Variants in N4BP2 observed in about 807,000 individuals in gnomAD.
N4BP2 encodes NEDD4-binding protein 2.
Under a neutral mutation model 152.8 loss-of-function variants are expected in N4BP2, and 91 were observed. The ratio of observed to expected loss-of-function variants is 0.60; its 90% CI spans 0.50 to 0.71. N4BP2 has a LOEUF of 0.71. N4BP2 is among the 30% of genes least tolerant of loss of function. The probability of loss-of-function intolerance (pLI) is 0.00; values close to 1 mark genes in which losing one functional copy is unlikely to be tolerated. For synonymous variants in N4BP2, 646 were observed against 705.3 expected (o/e 0.92, Z 1.33); for missense variants, 1,923 against 2,059.1 (o/e 0.93, Z 1.28).
intron 1 of N4BP2, among the ~76,000 whole-genome samples, chr4:40,060,599 T>C (rs952758921): frequency 8.3e-6 from 1 of 120,176 alleles, no homozygotes; most frequent in Non-Finnish European, 1.7e-5. Flanking sequence ...GCTAAGTAGC[T>C]AGATTTTTTT....
rs1405904501 is a variant in N4BP2 at position 40,137,032 on chromosome 4, C to G, written c.4735C>G (p.Gln1579Glu). 1.9e-6 allele frequency: 3 copies of G among 1,613,442 alleles called. No individual in the cohort carries two copies. The change falls in exon 14 of 18, where the codon CAA becomes GAA. Residue 1579 changes from glutamine (Q) to glutamate (E), a missense_variant. Transcript: ENST00000261435. The stretch of plus-strand genomic sequence containing the variant: ...AGTTGTAGCCCAAGAGTTTGTTCAC[C>G]AAAATGAGAATGTCACATCTCATAC... Reference protein sequence around the residue: ...KTVVAQEFVHQNENVTSHTGQ... With the variant: ...KTVVAQEFVHENENVTSHTGQ...
Position 40,112,098 on chromosome 4 carries a change from G to A in N4BP2, c.1513G>A (p.Glu505Lys). 1 of 1,522,200 alleles carries A rather than the reference G, an allele frequency of 6.6e-7. No individual in the cohort carries two copies. Among genetic ancestry groups the A allele is most frequent in the Non-Finnish European group, 9.0e-7 (1 of 1,115,102 alleles). 94.3% of individuals were successfully genotyped at this position (1,522,200 alleles called of 1,614,324 possible). ...ATGTTTTTCAGCAAAAGAAGCATTT[G>A]AGAAGAAGATATCTCCTATAATTAT... ...WNQNRAKEAF[E>K]KKISPIIIDN... Residue 505 changes from glutamate (E) to lysine (K), a missense_variant, in exon 6 of 18, where the codon GAG becomes AAG. Glu to Lys is a moderately conservative substitution (Grantham distance 56). Coordinates refer to ENST00000261435, the MANE Select transcript of N4BP2 (RefSeq NM_018177.6).
At position 40,152,787 on chromosome 4, in the gene N4BP2, G is replaced by A; in HGVS notation, c.5151G>A (p.Lys1717=). 2.5e-6 allele frequency: 4 copies of A among 1,613,876 alleles called. No homozygotes were observed. The highest frequency in any genetic ancestry group is 3.4e-6 in the Non-Finnish European group (4 of 1,179,898). ...TGATTTCTGTTGTAACAGAATTTAA[G>A]CAGAACGGTGGGAAGCCCTATTTGT... The part of the protein sequence containing the change: ...RVLEKKTEEF[K]QNGGKPYLSV... The change falls in exon 17 of 18, where the codon AAG becomes AAA. Residue 1717 remains lysine (K), a synonymous_variant. Coordinates refer to ENST00000261435, the MANE Select transcript of N4BP2 (RefSeq NM_018177.6).
Position 40,157,909 on chromosome 4 carries a change from C to T in N4BP2, c.*3672C>T, listed in dbSNP as rs1043915877. The T allele has an allele frequency of 1.3e-5, 2 of 151,978 alleles. 1 individual carries two copies. The allele number at this position is 151,978 out of a possible 1,614,324, so 9.4% of individuals were successfully genotyped here. On this transcript the variant is annotated 3_prime_UTR_variant, in exon 18 of 18. Coordinates refer to ENST00000261435, the MANE Select transcript of N4BP2 (RefSeq NM_018177.6). ...AGAACACATCTACATCCTGAAGAGC[C>T]GTTTATAACTTCATATTATATGATG...
In N4BP2 at chr4:40,154,689, A is replaced by G. The variant is rs1721454754; in HGVS notation, c.*452A>G. ...AGTAGTGGTAGTAAAGAAAAAAAGG[A>G]GATCTAACAAAAACACTTGAATATT... On this transcript the variant is annotated 3_prime_UTR_variant, in exon 18 of 18. Transcript: ENST00000261435. 1 of 153,294 alleles carries G rather than the reference A, an allele frequency of 6.5e-6. No individual in the cohort carries two copies. The highest frequency in any genetic ancestry group is 2.0e-4 in the South Asian group (1 of 4,888). 9.5% of individuals were successfully genotyped at this position (153,294 alleles called of 1,614,324 possible). A position where few individuals can be genotyped will look rare whatever the true frequency, so the allele number is the denominator to read the frequency against.
chr4:40,092,461 T>C (rs568352976), intron 2 of N4BP2, among the ~76,000 whole-genome samples: 41 of 152,090 alleles, frequency 2.7e-4, no homozygotes, highest in African/African-American at 9.9e-4. Flanking sequence ...TTTTGATATC[T>C]GCAAGGTCTA....
intron 12 of N4BP2, among the ~76,000 whole-genome samples, chr4:40,128,939 T>C (rs995027336): frequency 6.6e-6 from 1 of 152,244 alleles, no homozygotes; most frequent in Admixed American, 6.5e-5. Flanking sequence ...AACTTGTCTT[T>C]ACAGTTCTAC....
chr4:40,094,455 T>C lies in N4BP2; in HGVS notation c.-114-2772T>C, dbSNP rs188026227. Among the ~76,000 whole-genome samples the C allele has an allele frequency of 1.3e-4, 20 of 152,358 alleles. No homozygotes were observed. The East Asian group carries it at 3.9e-3, about 29-fold the overall frequency. On this transcript the variant is annotated intron_variant, in intron 2 of 17. Coordinates refer to ENST00000261435, the MANE Select transcript of N4BP2 (RefSeq NM_018177.6). ...GTGGTGTTGAAGTCTCCACCTATAA[T>C]TGTGAATTTGTCTATTTCTCCTTTC...
chr4:40,079,991 G>A (rs73808622), intron 2 of N4BP2, among the ~76,000 whole-genome samples: 2,341 of 151,976 alleles, frequency 0.015, 56 homozygotes, highest in African/African-American at 0.053. Context: ...GATGGGAGGG[G>A]GGGATATATT....
intron 14 of N4BP2, among the ~76,000 whole-genome samples, chr4:40,138,353 T>C (rs1023822096): frequency 6.6e-6 from 1 of 152,260 alleles, no homozygotes; most frequent in African/African-American, 2.4e-5. Context: ...GACATGTGAT[T>C]TGCAGATATT....
chr4:40,143,337 A>T (rs1283411388), intron 15 of N4BP2, among the ~76,000 whole-genome samples: 1 of 152,140 alleles, frequency 6.6e-6, no homozygotes, highest in East Asian at 1.9e-4. Context: ...TTTTTAAGAT[A>T]AGGTCTTGCT....
At chr4:40,064,608 A>G (rs1394837613) in intron 1 of N4BP2, among the ~76,000 whole-genome samples, 1 of 152,088 alleles carries the variant, frequency 6.6e-6, no homozygotes, top group Non-Finnish European at 1.5e-5. Context: ...TTTGCTAAAT[A>G]AAACACTTAT....
chr4:40,139,530 C>A (rs1164321626), intron 14 of N4BP2, among the ~76,000 whole-genome samples: 1 of 131,290 alleles, frequency 7.6e-6, no homozygotes, highest in South Asian at 2.4e-4. Flanking sequence ...CTCACTCTGT[C>A]GCCCAGGCTG....
In N4BP2 at chr4:40,121,345, T is replaced by C. The variant is rs761982669; in HGVS notation, c.3234T>C (p.Val1078=). Residue 1078 remains valine, a synonymous_variant, in exon 9 of 18, where the codon GTT becomes GTC. Transcript: ENST00000261435. The part of the protein sequence containing the change: ...YRVMYDKSTF[V]EESELTSADE... ...TAATGTATGATAAAAGCACGTTTGT[T>C]GAAGAAAGTGAGCTTACCAGTGCAG... is the stretch of plus-strand genomic sequence containing the variant. 4 of 1,613,938 alleles carry C rather than the reference T, an allele frequency of 2.5e-6. No homozygotes were observed. In the Admixed American group the frequency reaches 5.0e-5, roughly 20 times the overall value.
intron 1 of N4BP2, among the ~76,000 whole-genome samples, chr4:40,071,287 C>T (rs904070162): frequency 6.6e-6 from 1 of 152,052 alleles, no homozygotes; most frequent in Non-Finnish European, 1.5e-5. Flanking sequence ...CTTCCTCTAT[C>T]CCCTATATTT....
At chr4:40,130,268 G>A (rs981442052) in intron 12 of N4BP2, among the ~76,000 whole-genome samples, 2 of 151,640 alleles carry the variant, frequency 1.3e-5, no homozygotes, top group East Asian at 2.0e-4. Context: ...GGGCTCAAGC[G>A]ATCTGCCCAC....
Position 40,102,604 on chromosome 4 carries a change from T to G in N4BP2, c.759T>G (p.Ser253Arg), listed in dbSNP as rs765039548. ...SLLSSSLNVA[S>R]DSIAGCSSLN... ...TCAGTAGTTCTTTAAATGTAGCAAG[T>G]GACTCCATCGCAGGTTGTAGCAGTC... The change falls in exon 4 of 18, where the codon AGT becomes AGG. Residue 253 changes from serine (S) to arginine (R), a missense_variant. By Grantham distance (110) the Ser-to-Arg change is moderately radical. Coordinates refer to ENST00000261435, the MANE Select transcript of N4BP2 (RefSeq NM_018177.6). 1 of 1,614,210 alleles carries G rather than the reference T, an allele frequency of 6.2e-7. No individual in the cohort carries two copies. The highest frequency in any genetic ancestry group is 8.5e-7 in the Non-Finnish European group (1 of 1,180,044).
the N4BP2 span, among the ~76,000 whole-genome samples, chr4:40,170,102 A>G: frequency 6.6e-6 from 1 of 152,162 alleles, no homozygotes; most frequent in African/African-American, 2.4e-5. Context: ...GAGGGTAAAA[A>G]GCTTTTAAAA....
At chr4:40,153,914 C>T (rs1560652274) in intron 17 of N4BP2, among the ~76,000 whole-genome samples, 1 of 152,108 alleles carries the variant, frequency 6.6e-6, no homozygotes, top group Admixed American at 6.5e-5. Flanking sequence ...ACAGCATACT[C>T]TTTTTCATAA....
Sources: gnomAD v4.1 joint callset for allele counts (sites outside exome capture counted in the v4.1 genomes callset) on GRCh38, gnomAD v4.1.1 for gene constraint, MANE v1.5 for transcripts, NCBI Gene and HGNC (gene_info 2026-07-23, HGNC 2026-07-21) for gene names.